Variants in KMT2C observed in about 807,000 individuals in gnomAD.
KMT2C encodes lysine methyltransferase 2C.
KMT2C carries 88 observed loss-of-function variants against 507.9 expected under a neutral mutation model. The ratio of observed to expected loss-of-function variants is 0.17; its 90% CI spans 0.15 to 0.21. KMT2C has a LOEUF of 0.21. Ranked by LOEUF, KMT2C falls within the 10% of genes least tolerant of loss-of-function variation. The pLI, the probability that KMT2C is intolerant of heterozygous loss-of-function variation, is 1.00. For synonymous variants in KMT2C, 2,049 were observed against 2,080.8 expected (o/e 0.98, Z 0.42); for missense variants, 4,954 against 5,957.8 (o/e 0.83, Z 5.55).
intron 49 of KMT2C, among the ~76,000 whole-genome samples, chr7:152,151,940 T>C (rs2091660205): frequency 6.6e-6 from 1 of 152,192 alleles, no homozygotes; most frequent in South Asian, 2.1e-4. Flanking sequence ...AAACATTTTA[T>C]GAAAGATACA....
chr7:152,435,169 C>G (rs1450138003), intron 1 of KMT2C, among the ~76,000 whole-genome samples: 1 of 152,144 alleles, frequency 6.6e-6, no homozygotes, highest in Non-Finnish European at 1.5e-5. Flanking sequence ...AGCCCGCGCC[C>G]CGAGACCACC....
intron 2 of KMT2C, among the ~76,000 whole-genome samples, chr7:152,348,817 G>T (rs1436242065): frequency 6.6e-6 from 1 of 152,098 alleles, no homozygotes; most frequent in Non-Finnish European, 1.5e-5. Context: ...CCAAATGTCA[G>T]TAAGTACACA....
In KMT2C at chr7:152,182,299, G is replaced by C. The variant is rs767661629; in HGVS notation, c.5561C>G (p.Pro1854Arg). 3 of 1,614,174 alleles carry C rather than the reference G, an allele frequency of 1.9e-6. No individual in the cohort carries two copies. In the Admixed American group the frequency reaches 5.0e-5, roughly 27 times the overall value. ...AATCCGGGATGGGGCTGGAGGAGGA[G>C]GTGGAGCTTGTGGCTTTACAAACAC... is the stretch of plus-strand genomic sequence containing the variant. ...DDVFVKPQAP[P>R]PPPAPSRIPI... is the part of the protein sequence containing the mutation. The change falls in exon 36 of 59, where the codon CCT (proline) becomes CGT (arginine). Residue 1854 changes from proline to arginine, a missense_variant. Pro to Arg is a moderately radical substitution (Grantham distance 103). This residue lies in a region of KMT2C where 1,689 missense variants were observed against 1,654.3 expected (regional missense o/e 1.02). Transcript: ENST00000262189.
rs772587876 is a variant in KMT2C, at chr7:152,149,039, T to C, written c.12888A>G (p.Pro4296=). The change falls in exon 52 of 59, where the codon CCA becomes CCG. Residue 4296 remains proline, a synonymous_variant. Transcript: ENST00000262189. ...TLDVHCLPQL[P]EKASPPASPP... ...GTGAGGCAGGGGGAGAAGCTTTCTC[T>C]GGGAGCTGGGGGAGACAGTGCACAT... 7.8e-6 allele frequency: 12 copies of C among 1,535,518 alleles called. No individual in the cohort carries two copies. The highest frequency in any genetic ancestry group is 1.4e-5 in the African/African-American group (1 of 72,226).
rs762705163 is a variant in KMT2C, at chr7:152,163,091, G to T, written c.10486C>A (p.Pro3496Thr). ...GTCTGCATGAAAGTTTGGGTGGAGGGTGAATTAATTGATCCTTGTTGTATA... is the reference window on the plus strand; with the variant it reads ...GTCTGCATGAAAGTTTGGGTGGAGGTTGAATTAATTGATCCTTGTTGTATA... ...QNIQQGSINSPSTQTFMQTNE... is the reference protein window; with the variant it reads ...QNIQQGSINSTSTQTFMQTNE... The change falls in exon 43 of 59, where the codon CCC (proline) becomes ACC (threonine). Residue 3496 changes from proline (P) to threonine (T), a missense_variant. Physicochemically the swap from Pro to Thr is conservative, Grantham distance 38. Coordinates refer to ENST00000262189, the MANE Select transcript of KMT2C (RefSeq NM_170606.3). 6 of 1,614,106 alleles carry T rather than the reference G, an allele frequency of 3.7e-6. No individual in the cohort carries two copies. The Admixed American group carries it at 1.0e-4, about 27-fold the overall frequency.
At chr7:152,424,569 C>T (rs2116752957) in intron 1 of KMT2C, among the ~76,000 whole-genome samples, 1 of 152,210 alleles carries the variant, frequency 6.6e-6, no homozygotes, top group African/African-American at 2.4e-5. Context: ...ACTACAGAGA[C>T]ATGCCACCAC....
intron 1 of KMT2C, among the ~76,000 whole-genome samples, chr7:152,388,574 G>A (rs1198819191): frequency 1.3e-5 from 2 of 152,268 alleles, no homozygotes; most frequent in East Asian, 1.9e-4. Context: ...AGAAACAAAC[G>A]AAAAAAGTAT....
chr7:152,180,967 G>C lies in KMT2C; in HGVS notation c.6893C>G (p.Pro2298Arg), dbSNP rs2129119432. The change falls in exon 36 of 59, where the codon CCC (proline) becomes CGC (arginine). Residue 2298 changes from proline (P) to arginine (R), a missense_variant. Physicochemically the swap from Pro to Arg is moderately radical, Grantham distance 103. This residue lies in a region of KMT2C where 1,689 missense variants were observed against 1,654.3 expected (regional missense o/e 1.02). Transcript: ENST00000262189. ...TGGAGTCATTGGAGACTGATCATAG[G>C]GATCACGGGCAGCAGATGGGGAAAC... Reference protein sequence around the residue: ...SRVSPSAARDPYDQSPMTPRS... With the variant: ...SRVSPSAARDRYDQSPMTPRS... The C allele has an allele frequency of 6.2e-7, 1 of 1,614,160 alleles. No homozygotes were observed. The highest frequency in any genetic ancestry group is 1.3e-5 in the African/African-American group (1 of 75,024).
At chr7:152,158,513 T>G (rs547846866) in intron 44 of KMT2C, among the ~76,000 whole-genome samples, 8 of 151,030 alleles carry the variant, frequency 5.3e-5, no homozygotes, top group Admixed American at 2.6e-4. Context: ...AATTGTTTGT[T>G]TTTTTTTTGT....
chr7:152,277,211 A>G (rs1363336120), intron 6 of KMT2C, among the ~76,000 whole-genome samples: 2 of 152,070 alleles, frequency 1.3e-5, no homozygotes, highest in African/African-American at 4.8e-5. Flanking sequence ...CTAATAAATA[A>G]GTATTATAAG....
chr7:152,257,015 C>A (rs1246724500), intron 9 of KMT2C, among the ~76,000 whole-genome samples: 1 of 152,196 alleles, frequency 6.6e-6, no homozygotes, highest in African/African-American at 2.4e-5. Flanking sequence ...ATTTACCCTA[C>A]AGATTTGTCC....
intron 3 of KMT2C, among the ~76,000 whole-genome samples, chr7:152,327,793 C>T (rs1289827123): frequency 1.3e-5 from 2 of 151,768 alleles, no homozygotes; most frequent in Non-Finnish European, 2.9e-5. Flanking sequence ...CCCGTCTCTA[C>T]TAAAAATACA....
In KMT2C at chr7:152,171,250, ACAGG is replaced by A. The variant is rs1563232427; in HGVS notation, c.9453+10_9453+13del. The stretch of plus-strand genomic sequence containing the variant: ...AGCGTGCATTCTAGAGGGACTCATT[ACAGG>A]CAGTGTTACCTGAGGAATGGCCTGT... On this transcript the variant is annotated intron_variant, in intron 40 of 58. Coordinates refer to ENST00000262189, the MANE Select transcript of KMT2C (RefSeq NM_170606.3). The A allele has an allele frequency of 2.5e-6, 4 of 1,580,944 alleles. No individual in the cohort carries two copies. Among genetic ancestry groups the A allele is most frequent in the Non-Finnish European group, 3.5e-6 (4 of 1,158,252 alleles).
intron 2 of KMT2C, among the ~76,000 whole-genome samples, chr7:152,340,621 G>A (rs1353235006): frequency 1.3e-5 from 2 of 152,006 alleles, no homozygotes; most frequent in African/African-American, 4.8e-5. Flanking sequence ...TATGAATATA[G>A]TTGCTGCTTT....
intron 2 of KMT2C, among the ~76,000 whole-genome samples, chr7:152,346,514 T>C (rs764197652): frequency 6.6e-6 from 1 of 152,076 alleles, no homozygotes; most frequent in South Asian, 2.1e-4. Context: ...TCAAGAGAAA[T>C]TGAAAAATAT....
chr7:152,180,350 T>G (rs1290077088), intron 36 of KMT2C, among the ~76,000 whole-genome samples: 2 of 152,208 alleles, frequency 1.3e-5, no homozygotes, highest in Non-Finnish European at 1.5e-5. Flanking sequence ...CCTGATACTT[T>G]CATTATGTGG....
chr7:152,249,837 T>C, intron 13 of KMT2C, 39 bp downstream of exon 13: 3 of 1,242,552 alleles, frequency 2.4e-6, no homozygotes, highest in Non-Finnish European at 3.6e-6. Context: ...CATTATCTTG[T>C]AACTCAATCA....
chr7:152,413,978 AAGGCGGGCGGACCACTAGGTC>A (rs2097708026), intron 1 of KMT2C, among the ~76,000 whole-genome samples: 2 of 151,998 alleles, frequency 1.3e-5, no homozygotes, highest in Non-Finnish European at 2.9e-5. Context: ...CTGGGAGGCC[AAGGCGGGCGGACCACTAGGTC>A]AGAAATTCGA....
chr7:152,136,850 G>A lies in KMT2C; in HGVS notation c.14718C>T (p.Cys4906=). The A allele has an allele frequency of 6.2e-7, 1 of 1,613,258 alleles. No homozygotes were observed. Residue 4906 remains cysteine, a synonymous_variant, in exon 59 of 59, where the codon TGC becomes TGT. Transcript: ENST00000262189. ...KIPCHCGAVN[C]RKWMN The stretch of plus-strand genomic sequence containing the variant: ...ATGCATTTCAGTTCATCCACTTCCG[G>A]CAGTTCACAGCTCCACAGTGACACG...
Sources: allele counts gnomAD v4.1 joint callset (sites outside exome capture counted in the v4.1 genomes callset), GRCh38; gene constraint gnomAD v4.1.1; regional missense constraint gnomAD v4.1.1; transcripts MANE v1.5; gene names NCBI Gene and HGNC (gene_info 2026-07-23, HGNC 2026-07-21).